Variants in CUBN observed in about 807,000 individuals in gnomAD.
CUBN encodes cubilin, also known as 460 kDa receptor.
A neutral mutation model predicts 405.3 loss-of-function variants in CUBN; 282 were observed. The observed-to-expected ratio is 0.70, with a 90% CI of 0.63 to 0.77. CUBN has a LOEUF of 0.77. CUBN is among the 30% of genes least tolerant of loss of function. The pLI is 0.00. For missense variants in CUBN, 4,514 were observed against 4,475.2 expected (o/e 1.01, Z -0.25); for synonymous variants, 1,684 against 1,617.0 (o/e 1.04, Z -0.99).
At chr10:16,935,656 G>C (rs2131598807) in intron 39 of CUBN, among the ~76,000 whole-genome samples, 1 of 152,176 alleles carries the variant, frequency 6.6e-6, no homozygotes, top group Non-Finnish European at 1.5e-5. Flanking sequence ...GAGGTGGGCA[G>C]ATCATGAGGT....
chr10:17,065,140 C>A (rs10904870), intron 22 of CUBN, among the ~76,000 whole-genome samples: 78,665 of 135,290 alleles, frequency 0.58, 23,588 homozygotes, highest in South Asian at 0.81. Flanking sequence ...CCCCCCCCCC[C>A]CACACACACA....
chr10:16,901,900 T>C (rs1423304235), intron 51 of CUBN, among the ~76,000 whole-genome samples: 1 of 109,298 alleles, frequency 9.1e-6, no homozygotes, highest in African/African-American at 3.2e-5. Context: ...TATATATATA[T>C]ATATATATAT....
Position 17,007,586 on chromosome 10 carries a change from T to A in CUBN, c.4168+12247A>T, listed in dbSNP as rs576109236. On this transcript the variant is annotated intron_variant, in intron 28 of 66. Coordinates refer to ENST00000377833, the MANE Select transcript of CUBN (RefSeq NM_001081.4). ...CAAGTTTGAACTCTCTGCTTGGTGT[T>A]TGGAGATCGTACTGCACAGTTTAGA... Among the ~76,000 whole-genome samples the A allele has an allele frequency of 3.9e-5, 6 of 152,102 alleles. No homozygotes were observed. In the South Asian group the frequency reaches 1.2e-3, roughly 32 times the overall value.
chr10:17,121,466 T>G (rs1179683011), intron 6 of CUBN, among the ~76,000 whole-genome samples: 1 of 145,708 alleles, frequency 6.9e-6, no homozygotes, highest in East Asian at 2.0e-4. Context: ...AAACACCGCA[T>G]GTTCTCACTC....
In CUBN at chr10:17,127,264, CTTT is replaced by C. The variant is rs34414528; in HGVS notation, c.349-468_349-466del. 5.6e-3 allele frequency among the ~76,000 whole-genome samples: 467 copies of C among 82,794 alleles called. 1 individual carries two copies. The highest frequency in any genetic ancestry group is 0.024 in the African/African-American group (438 of 18,348). 54.3% of individuals were successfully genotyped at this position (82,794 alleles called of 152,430 possible). A position where few individuals can be genotyped will look rare whatever the true frequency, so the allele number is the denominator to read the frequency against. Reference sequence around the variant, plus strand: ...TCTTTCTGTCTCTCTCTCTCTCTTTCTTTTTTTTTTTTTTTTTTTCTGGCAAGG... The same window carrying C: ...TCTTTCTGTCTCTCTCTCTCTCTTTCTTTTTTTTTTTTTTTTCTGGCAAGG... On this transcript the variant is annotated intron_variant, in intron 3 of 66. Coordinates refer to ENST00000377833, the MANE Select transcript of CUBN (RefSeq NM_001081.4).
intron 65 of CUBN, among the ~76,000 whole-genome samples, chr10:16,829,933 T>TG (rs1838928580): frequency 6.7e-6 from 1 of 150,142 alleles, no homozygotes; most frequent in African/African-American, 2.5e-5. Flanking sequence ...GGTGGGTTTT[T>TG]TTTGTTTTGT....
intron 8 of CUBN, among the ~76,000 whole-genome samples, chr10:17,113,408 T>A (rs1260766552): frequency 7.8e-6 from 1 of 128,626 alleles, no homozygotes; most frequent in Non-Finnish European, 1.6e-5. Context: ...AGTGCTTTGC[T>A]CATAGTAGGC....
intron 14 of CUBN, among the ~76,000 whole-genome samples, chr10:17,090,071 G>A (rs964194722): frequency 6.6e-6 from 1 of 152,022 alleles, no homozygotes; most frequent in Non-Finnish European, 1.5e-5. Context: ...AGACACGATC[G>A]CACCCTGTCT....
intron 64 of CUBN, among the ~76,000 whole-genome samples, chr10:16,833,558 C>T (rs767272717): frequency 1.3e-5 from 2 of 152,166 alleles, no homozygotes; most frequent in Non-Finnish European, 2.9e-5. Context: ...TATGCCAGAA[C>T]ACCCTTCCTG....
intron 6 of CUBN, among the ~76,000 whole-genome samples, chr10:17,117,028 G>C (rs959216748): frequency 2.0e-5 from 3 of 152,048 alleles, no homozygotes; most frequent in African/African-American, 7.2e-5. Context: ...ACATTTCTGA[G>C]CATTCCAAAG....
chr10:16,881,998 C>T (rs1840675793), intron 56 of CUBN, among the ~76,000 whole-genome samples: 1 of 152,122 alleles, frequency 6.6e-6, no homozygotes, highest in Admixed American at 6.5e-5. Context: ...ACTTTCTCAT[C>T]ATTATTGGAA....
chr10:17,081,732 T>G (rs915200343), intron 17 of CUBN, among the ~76,000 whole-genome samples: 19 of 152,200 alleles, frequency 1.2e-4, no homozygotes, highest in African/African-American at 4.6e-4. Flanking sequence ...CCAAAGTCAA[T>G]GTACGTCCAT....
Position 16,967,845 on chromosome 10 carries a change from G to GAGAGAGAGAAGGAGAGAC in CUBN, c.4696-13298_4696-13297insGTCTCTCCTTCTCTCTCT, listed in dbSNP as rs1564452529. ...AGGGAGAGAGAGAGAAGGAGAGACA[G>GAGAGAGAGAAGGAGAGAC]AGGGAGAGAGAGAGAAGGAGAGACA... On this transcript the variant is annotated intron_variant, in intron 31 of 66. Coordinates refer to ENST00000377833, the MANE Select transcript of CUBN (RefSeq NM_001081.4). Among the ~76,000 whole-genome samples the GAGAGAGAGAAGGAGAGAC allele has an allele frequency of 1.0e-3, 74 of 70,996 alleles. 4 individuals carry two copies. Among genetic ancestry groups the GAGAGAGAGAAGGAGAGAC allele is most frequent in the Middle Eastern group, 8.9e-3 (1 of 112 alleles). The allele number at this position is 70,996 out of a possible 152,430, so 46.6% of individuals were successfully genotyped here.
chr10:17,045,861 A>C, intron 24 of CUBN, 73 bp downstream of exon 24: 1 of 1,471,554 alleles, frequency 6.8e-7, no homozygotes, highest in East Asian at 2.3e-5. Flanking sequence ...TGAGGGACAG[A>C]GCATGACAAT....
intron 8 of CUBN, among the ~76,000 whole-genome samples, chr10:17,113,482 C>T (rs767271996): frequency 4.6e-5 from 7 of 152,072 alleles, no homozygotes; most frequent in Non-Finnish European, 8.8e-5. Context: ...AAGATGCCCT[C>T]GGATTCAAAC....
chr10:17,112,319 T>A (rs1836789849), intron 8 of CUBN, among the ~76,000 whole-genome samples: 1 of 152,136 alleles, frequency 6.6e-6, no homozygotes. Context: ...ATCATGGTCC[T>A]CTGTGTGATA....
chr10:17,020,121 G>A (rs1834451121), intron 27 of CUBN, 138 bp from the exon 28 acceptor site: 1 of 837,010 alleles, frequency 1.2e-6, no homozygotes. Context: ...TGAGTACACA[G>A]AACTCAACAT....
intron 29 of CUBN, among the ~76,000 whole-genome samples, chr10:16,985,278 C>T (rs532938333): frequency 2.0e-4 from 30 of 152,310 alleles, no homozygotes; most frequent in Non-Finnish European, 3.2e-4. Context: ...AGAAGAACAA[C>T]GTGGCAGAGA....
chr10:16,991,705 G>C (rs942824062), intron 28 of CUBN, among the ~76,000 whole-genome samples: 9 of 149,138 alleles, frequency 6.0e-5, no homozygotes, highest in African/African-American at 2.2e-4. Flanking sequence ...CTTCATCAAG[G>C]CTTTTTATGT....
Sources: allele counts gnomAD v4.1 joint callset (sites outside exome capture counted in the v4.1 genomes callset), GRCh38; gene constraint gnomAD v4.1.1; transcripts MANE v1.5; gene names NCBI Gene and HGNC (gene_info 2026-07-23, HGNC 2026-07-21).